KCTD21: variants seen among roughly 807,000 people sequenced by gnomAD.
The protein encoded by KCTD21 is BTB/POZ domain-containing protein KCTD21.
In KCTD21, 9 loss-of-function variants were observed where a neutral mutation model predicts 13.2. The observed-to-expected ratio is 0.68, with a 90% CI of 0.41 to 1.19. KCTD21 has a LOEUF of 1.19. Ranked by LOEUF, KCTD21 falls within the 50% of genes most tolerant of loss-of-function variation. KCTD21 has a pLI of 0.01. For missense variants in KCTD21, 303 were observed against 336.5 expected, an observed-to-expected ratio of 0.90 and a Z score of 0.78; for synonymous variants, 142 against 137.4, an observed-to-expected ratio of 1.03 and a Z score of -0.23.
At chr11:78,176,380 C>T (rs1318261039) in intron 1 of KCTD21, 2 of 152,240 alleles carry the variant, frequency 1.3e-5, no homozygotes, top group Non-Finnish European at 2.9e-5. Flanking sequence ...CTCCTGAAGG[C>T]ACCCTATCCA....
intron 1 of KCTD21, among the ~76,000 whole-genome samples, chr11:78,179,300 G>A (rs901382001): frequency 2.6e-5 from 4 of 151,764 alleles, no homozygotes; most frequent in Admixed American, 2.6e-4. Context: ...CTCCCAAAGT[G>A]TGGGGATTAC....
intron 1 of KCTD21, among the ~76,000 whole-genome samples, chr11:78,184,397 C>T (rs1862712816): frequency 6.6e-6 from 1 of 152,028 alleles, no homozygotes. Context: ...AGTGCAGTGG[C>T]ACAATCTCGG....
chr11:78,184,942 T>TG (rs1862727796), intron 1 of KCTD21, among the ~76,000 whole-genome samples: 2 of 152,150 alleles, frequency 1.3e-5, no homozygotes, highest in African/African-American at 4.8e-5. Flanking sequence ...TTCACTATGT[T>TG]GCCCAGGCTG....
At chr11:78,183,304 G>A (rs1227060766) in intron 1 of KCTD21, among the ~76,000 whole-genome samples, 1 of 152,156 alleles carries the variant, frequency 6.6e-6, no homozygotes, top group Non-Finnish European at 1.5e-5. Flanking sequence ...GGGAGGCCGA[G>A]GCGGGCGGAT....
chr11:78,177,072 G>GCTCT (rs1862474737), intron 1 of KCTD21: 3 of 152,328 alleles, frequency 2.0e-5, no homozygotes, highest in African/African-American at 7.2e-5. Flanking sequence ...GAGAAACAGA[G>GCTCT]GTCTGAGGAG....
chr11:78,179,944 G>C (rs923752022), intron 1 of KCTD21, among the ~76,000 whole-genome samples: 3 of 152,136 alleles, frequency 2.0e-5, no homozygotes, highest in Non-Finnish European at 2.9e-5. Flanking sequence ...TCCACCTGCA[G>C]CGATCTCCTT....
At chr11:78,185,521 T>C (rs1862740262) in intron 1 of KCTD21, among the ~76,000 whole-genome samples, 1 of 152,042 alleles carries the variant, frequency 6.6e-6, no homozygotes, top group Non-Finnish European at 1.5e-5. Flanking sequence ...GGCTAAGTGG[T>C]GGAGGAGTTA....
chr11:78,182,884 C>A (rs1306052755), intron 1 of KCTD21, among the ~76,000 whole-genome samples: 1 of 152,206 alleles, frequency 6.6e-6, no homozygotes, highest in Non-Finnish European at 1.5e-5. Context: ...TTTTTTCCTA[C>A]ATTACTGTCC....
chr11:78,187,665 A>G (rs747799911), intron 1 of KCTD21: 8 of 985,416 alleles, frequency 8.1e-6, no homozygotes, highest in Non-Finnish European at 9.6e-6. Flanking sequence ...AGTAATTTAT[A>G]AACACCGTGC....
At chr11:78,186,328 C>T (rs985642000) in intron 1 of KCTD21, among the ~76,000 whole-genome samples, 3 of 131,106 alleles carry the variant, frequency 2.3e-5, no homozygotes, top group African/African-American at 5.8e-5. Context: ...GCCGAGATCA[C>T]GCCACTGCAC....
At chr11:78,180,366 A>T (rs1862578815) in intron 1 of KCTD21, among the ~76,000 whole-genome samples, 1 of 152,234 alleles carries the variant, frequency 6.6e-6, no homozygotes, top group Non-Finnish European at 1.5e-5. Flanking sequence ...TAACCCAATT[A>T]AAAAACACAT....
chr11:78,187,222 G>C (rs904756226), intron 1 of KCTD21: 2 of 985,210 alleles, frequency 2.0e-6, no homozygotes, highest in African/African-American at 3.5e-5. Context: ...ACCGGAGAAA[G>C]GACTCTTTGC....
intron 1 of KCTD21, 48 bp from the exon 2 acceptor site, chr11:78,174,631 A>C: frequency 7.6e-7 from 1 of 1,316,238 alleles, no homozygotes; most frequent in Non-Finnish European, 1.0e-6. Flanking sequence ...ACCTTATCAG[A>C]GAACTCACAG....
chr11:78,173,619 G>A lies in KCTD21; in HGVS notation c.*153C>T, dbSNP rs1862348341. On this transcript the variant is annotated 3_prime_UTR_variant, in exon 2 of 2. Transcript: ENST00000340067. Reference sequence around the variant, plus strand: ...GTTCAGAGGACACTGGATTCCAAAAGGTGGACTTCATCATGGGGGGAATCA... The same window carrying A: ...GTTCAGAGGACACTGGATTCCAAAAAGTGGACTTCATCATGGGGGGAATCA... 1 of 706,634 alleles carries A rather than the reference G, an allele frequency of 1.4e-6. No individual in the cohort carries two copies. Among genetic ancestry groups the A allele is most frequent in the Non-Finnish European group, 2.4e-6 (1 of 415,308 alleles). The allele number at this position is 706,634 out of a possible 1,614,324, so 43.8% of individuals were successfully genotyped here. A position where few individuals can be genotyped will look rare whatever the true frequency, so the allele number is the denominator to read the frequency against.
Position 78,174,027 on chromosome 11 carries a change from G to C in KCTD21, c.528C>G (p.Ser176Arg). The stretch of plus-strand genomic sequence containing the variant: ...TCAGGTGGTTGGGGTCCTGCAAGTG[G>C]CTGGTGATGGAGGAGAGATTGCCAT... Reference protein sequence around the residue: ...CSNGNLSSITSHLQDPNHLTL... With the variant: ...CSNGNLSSITRHLQDPNHLTL... The change falls in exon 2 of 2, where the codon AGC becomes AGG. Residue 176 changes from serine to arginine, a missense_variant. By Grantham distance (110) the Ser-to-Arg change is moderately radical. Coordinates refer to ENST00000340067, the MANE Select transcript of KCTD21 (RefSeq NM_001029859.3). The C allele has an allele frequency of 6.2e-7, 1 of 1,614,160 alleles. No individual in the cohort carries two copies. Among genetic ancestry groups the C allele is most frequent in the Non-Finnish European group, 8.5e-7 (1 of 1,180,038 alleles).
Position 78,174,129 on chromosome 11 carries a change from C to T in KCTD21, c.426G>A (p.Glu142=). ...QIYSLSSSSM[E]VFNANIFSTS... Reference sequence around the variant, plus strand: ...TGCTGAAGATGTTGGCGTTGAAGACCTCCATGCTGGAAGAGGAGAGGCTGT... The same window carrying T: ...TGCTGAAGATGTTGGCGTTGAAGACTTCCATGCTGGAAGAGGAGAGGCTGT... The change falls in exon 2 of 2, where the codon GAG becomes GAA. Residue 142 remains glutamate (E), a synonymous_variant. Transcript: ENST00000340067. 6.2e-7 allele frequency: 1 copy of T among 1,614,158 alleles called. No individual in the cohort carries two copies. Among genetic ancestry groups the T allele is most frequent in the Non-Finnish European group, 8.5e-7 (1 of 1,180,046 alleles).
At chr11:78,188,036 T>C in intron 1 of KCTD21, 1 of 985,382 alleles carries the variant, frequency 1.0e-6, no homozygotes, top group South Asian at 4.7e-5. Flanking sequence ...TTATTTCCAG[T>C]CAGTAAAGGG....
intron 1 of KCTD21, among the ~76,000 whole-genome samples, chr11:78,185,139 T>C (rs1475520577): frequency 6.6e-6 from 1 of 152,222 alleles, no homozygotes; most frequent in Non-Finnish European, 1.5e-5. Flanking sequence ...AGGGGATACA[T>C]GTTGAAGAAT....
intron 1 of KCTD21, among the ~76,000 whole-genome samples, chr11:78,184,945 C>T (rs1862727869): frequency 6.6e-6 from 1 of 152,078 alleles, no homozygotes; most frequent in African/African-American, 2.4e-5. Flanking sequence ...ACTATGTTGC[C>T]CAGGCTGGCC....
Sources: allele counts gnomAD v4.1 joint callset (sites outside exome capture counted in the v4.1 genomes callset), GRCh38; gene constraint gnomAD v4.1.1; transcripts MANE v1.5; gene names NCBI Gene and HGNC (gene_info 2026-07-23, HGNC 2026-07-21).